SDK1: variants seen among roughly 807,000 people sequenced by gnomAD.
The protein encoded by SDK1 is protein sidekick-1.
A neutral mutation model predicts 245.5 loss-of-function variants in SDK1; 157 were observed. The observed-to-expected ratio is 0.64, with a 90% CI of 0.56 to 0.73. The LOEUF (loss-of-function observed/expected upper bound fraction) is 0.73, where lower values mean the gene tolerates loss of function less well. Among genes scored for constraint, SDK1 ranks in the 30% least tolerant of loss-of-function variants. SDK1 has a pLI of 0.00. For synonymous variants in SDK1, 1,647 were observed against 1,278.5 expected (o/e 1.29, Z -6.15); for missense variants, 3,583 against 3,002.3 (o/e 1.19, Z -4.52).
At chr7:3,461,991 C>T (rs1583892039) in intron 1 of SDK1, among the ~76,000 whole-genome samples, 2 of 152,124 alleles carry the variant, frequency 1.3e-5, no homozygotes, top group East Asian at 3.9e-4. Context: ...AGAACCACGA[C>T]CTCCCCTAAC....
chr7:3,887,786 G>A (rs1288750840), intron 5 of SDK1, among the ~76,000 whole-genome samples: 1 of 152,134 alleles, frequency 6.6e-6, no homozygotes, highest in Non-Finnish European at 1.5e-5. Context: ...ATCACGGGCA[G>A]TACTCAGCCA....
At chr7:4,151,836 G>A (rs1000789499) in intron 30 of SDK1, among the ~76,000 whole-genome samples, 8 of 152,188 alleles carry the variant, frequency 5.3e-5, no homozygotes, top group Non-Finnish European at 8.8e-5. Context: ...GTGCCTTGAC[G>A]TCTCTAAATG....
rs1045666693 is a variant in SDK1, at chr7:4,146,074, A to G, written c.4423+158A>G. Among the ~76,000 whole-genome samples the G allele has an allele frequency of 2.0e-5, 3 of 152,160 alleles. No individual in the cohort carries two copies. The East Asian group carries it at 5.8e-4, about 29-fold the overall frequency. On this transcript the variant is annotated intron_variant, in intron 29 of 44. Transcript: ENST00000404826. ...TTACAAAGCACCCATTGCACCTGAC[A>G]TGGAGCTGGACACACTATCAAACAG...
intron 5 of SDK1, among the ~76,000 whole-genome samples, chr7:3,882,043 G>A (rs753456590): frequency 9.2e-5 from 14 of 152,128 alleles, no homozygotes; most frequent in Non-Finnish European, 1.3e-4. Context: ...CAATCATGGC[G>A]GAAGGCAAAA....
At position 4,268,828 on chromosome 7, in the gene SDK1, C is replaced by T. The variant is rs969484404; in HGVS notation, c.*3444C>T. 4.3e-5 allele frequency: 46 copies of T among 1,075,688 alleles called. No individual in the cohort carries two copies. The highest frequency in any genetic ancestry group is 9.7e-5 in the African/African-American group (6 of 61,646). The allele number at this position is 1,075,688 out of a possible 1,614,324, so 66.6% of individuals were successfully genotyped here. On this transcript the variant is annotated 3_prime_UTR_variant, in exon 45 of 45. Transcript: ENST00000404826. Reference sequence around the variant, plus strand: ...TGCCCGCTGGGACACGTCTCCTTCCCGCGTCACCTTCTGGTTTAGGGAGCC... The same window carrying T: ...TGCCCGCTGGGACACGTCTCCTTCCTGCGTCACCTTCTGGTTTAGGGAGCC...
At chr7:3,870,925 G>A (rs1468016582) in intron 5 of SDK1, among the ~76,000 whole-genome samples, 1 of 152,088 alleles carries the variant, frequency 6.6e-6, no homozygotes, top group African/African-American at 2.4e-5. Context: ...ACTTTGGAAG[G>A]GTACTGGTCA....
At chr7:3,312,153 G>A (rs973170086) in intron 1 of SDK1, among the ~76,000 whole-genome samples, 1 of 152,166 alleles carries the variant, frequency 6.6e-6, no homozygotes, top group Non-Finnish European at 1.5e-5. Flanking sequence ...CATAATTGGG[G>A]TGGATTCAAA....
intron 35 of SDK1, among the ~76,000 whole-genome samples, chr7:4,205,660 G>A (rs959844289): frequency 1.3e-4 from 20 of 152,178 alleles, no homozygotes; most frequent in African/African-American, 4.6e-4. Flanking sequence ...GTCTTCCCTG[G>A]CATAAAAGGG....
At chr7:3,690,546 A>G (rs1176862832) in intron 4 of SDK1, among the ~76,000 whole-genome samples, 3 of 152,274 alleles carry the variant, frequency 2.0e-5, no homozygotes, top group African/African-American at 7.2e-5. Context: ...GATAAAGAGA[A>G]ACCCAATAAA....
At position 4,267,816 on chromosome 7, in the gene SDK1, T is replaced by C; in HGVS notation, c.*2432T>C. On this transcript the variant is annotated 3_prime_UTR_variant, in exon 45 of 45. Transcript: ENST00000404826. ...CTGTACGGAGCGGCCTGTCCGAGGC[T>C]ACGCCGGCCTCCTGGCTGCTGCTGG... 3 of 985,628 alleles carry C rather than the reference T, an allele frequency of 3.0e-6. No individual in the cohort carries two copies. The highest frequency in any genetic ancestry group is 3.6e-6 in the Non-Finnish European group (3 of 830,058). 61.1% of individuals were successfully genotyped at this position (985,628 alleles called of 1,614,324 possible).
intron 30 of SDK1, among the ~76,000 whole-genome samples, chr7:4,149,763 C>T (rs1780231068): frequency 6.6e-6 from 1 of 152,084 alleles, no homozygotes; most frequent in Admixed American, 6.5e-5. Flanking sequence ...GCAGGCTGGA[C>T]ATGTGGGCTG....
intron 14 of SDK1, among the ~76,000 whole-genome samples, chr7:4,000,213 G>C (rs765085439): frequency 1.3e-5 from 2 of 152,246 alleles, no homozygotes; most frequent in Non-Finnish European, 2.9e-5. Context: ...AAGAGCATCT[G>C]TGAGCTTGAC....
intron 17 of SDK1, among the ~76,000 whole-genome samples, chr7:4,025,002 A>T (rs910752762): frequency 6.6e-5 from 9 of 136,750 alleles, no homozygotes; most frequent in Non-Finnish European, 1.1e-4. Context: ...CACAATGAGA[A>T]CTCTATTTTG....
At chr7:3,802,907 G>C (rs1193717538) in intron 4 of SDK1, among the ~76,000 whole-genome samples, 2 of 152,180 alleles carry the variant, frequency 1.3e-5, no homozygotes, top group East Asian at 3.8e-4. Context: ...GGTTTTGGTT[G>C]TTACAAATAA....
rs1167082345 is a variant in SDK1, at chr7:3,779,084, C to G, written c.714-42366C>G. Among the ~76,000 whole-genome samples the G allele has an allele frequency of 2.0e-5, 3 of 152,050 alleles. No individual in the cohort carries two copies. The East Asian group carries it at 5.8e-4, about 29-fold the overall frequency. On this transcript the variant is annotated intron_variant, in intron 4 of 44. Transcript: ENST00000404826. ...TAAATTATGGATGTTCCTTTTTTATCATTTGGCTAAGAATTCTGCGGAGTT... is the reference window on the plus strand; with the variant it reads ...TAAATTATGGATGTTCCTTTTTTATGATTTGGCTAAGAATTCTGCGGAGTT...
intron 1 of SDK1, among the ~76,000 whole-genome samples, chr7:3,503,769 G>A (rs1179835480): frequency 6.6e-6 from 1 of 152,104 alleles, no homozygotes; most frequent in African/African-American, 2.4e-5. Flanking sequence ...CTAGTACACT[G>A]AAAATTTTAA....
At chr7:3,326,475 A>G (rs1249319010) in intron 1 of SDK1, among the ~76,000 whole-genome samples, 2 of 152,142 alleles carry the variant, frequency 1.3e-5, no homozygotes, top group African/African-American at 2.4e-5. Flanking sequence ...AAACTATGCT[A>G]TGATGAATAC....
intron 1 of SDK1, among the ~76,000 whole-genome samples, chr7:3,606,986 TACTAGTA>T (rs1312058835): frequency 6.6e-6 from 1 of 152,158 alleles, no homozygotes; most frequent in Non-Finnish European, 1.5e-5. Context: ...GAAATAATAC[TACTAGTA>T]ACTTTCTTCA....
At chr7:4,180,636 A>G (rs1223892926) in intron 35 of SDK1, among the ~76,000 whole-genome samples, 1 of 152,224 alleles carries the variant, frequency 6.6e-6, no homozygotes, top group East Asian at 1.9e-4. Context: ...TTATAAGAAA[A>G]GACGTTTACT....
Sources: allele counts gnomAD v4.1 joint callset (sites outside exome capture counted in the v4.1 genomes callset), GRCh38; gene constraint gnomAD v4.1.1; transcripts MANE v1.5; gene names NCBI Gene and HGNC (gene_info 2026-07-23, HGNC 2026-07-21).